NELL2: variants seen among roughly 807,000 people sequenced by gnomAD.
NELL2 encodes neural EGFL like 2.
Under a neutral mutation model 109.6 loss-of-function variants are expected in NELL2, and 41 were observed. The observed-to-expected ratio is 0.37, with a 90% CI of 0.29 to 0.49. The LOEUF (loss-of-function observed/expected upper bound fraction) is 0.49. Among genes scored for constraint, NELL2 ranks in the 20% least tolerant of loss-of-function variants. NELL2 has a pLI of 0.98. For missense variants in NELL2, 900 were observed against 1,008.3 expected (o/e 0.89, Z 1.45); for synonymous variants, 355 against 344.7 (o/e 1.03, Z -0.33).
At chr12:44,890,050 C>T (rs755858629) in intron 1 of NELL2, among the ~76,000 whole-genome samples, 148 of 152,188 alleles carry the variant, frequency 9.7e-4, no homozygotes, top group Non-Finnish European at 1.9e-3. Context: ...GATCCAGATT[C>T]AGCATTAGTT....
chr12:44,909,589 C>T (rs952642021), intron 1 of NELL2, among the ~76,000 whole-genome samples: 2 of 151,704 alleles, frequency 1.3e-5, no homozygotes, highest in Non-Finnish European at 2.9e-5. Context: ...GAAAAAAATT[C>T]TAAAATTCAT....
chr12:44,711,596 G>A (rs1490248036), intron 10 of NELL2, among the ~76,000 whole-genome samples: 2 of 152,038 alleles, frequency 1.3e-5, no homozygotes, highest in Admixed American at 1.3e-4. Context: ...TTTAGAATAA[G>A]AATCAGCCAC....
At chr12:44,578,968 T>TTTTG (rs994392807) in intron 15 of NELL2, among the ~76,000 whole-genome samples, 9 of 152,182 alleles carry the variant, frequency 5.9e-5, no homozygotes, top group African/African-American at 1.9e-4. Flanking sequence ...AGGGGCATTC[T>TTTTG]TTTGTTTGTT....
In NELL2 at chr12:44,588,527, C is replaced by T. The variant is rs138249089; in HGVS notation, c.1663+18642G>A. On this transcript the variant is annotated intron_variant, in intron 15 of 19. Transcript: ENST00000429094. Reference sequence around the variant, plus strand: ...GGATCTTCCCTTGCATGCCACAGTACGCTGCAGATGGCACTGAAAGTAATC... The same window carrying T: ...GGATCTTCCCTTGCATGCCACAGTATGCTGCAGATGGCACTGAAAGTAATC... Among the ~76,000 whole-genome samples, 1,095 of 152,216 alleles carry T rather than the reference C, an allele frequency of 7.2e-3. 10 individuals carry two copies. The highest frequency in any genetic ancestry group is 0.025 in the African/African-American group (1,022 of 41,530).
intron 19 of NELL2, among the ~76,000 whole-genome samples, chr12:44,518,737 T>C (rs1941392849): frequency 6.6e-6 from 1 of 152,206 alleles, no homozygotes; most frequent in South Asian, 2.1e-4. Flanking sequence ...CTCAACTCTA[T>C]TTGGTAATTA....
intron 15 of NELL2, among the ~76,000 whole-genome samples, chr12:44,552,907 G>T (rs1943096039): frequency 6.6e-6 from 1 of 151,894 alleles, no homozygotes; most frequent in South Asian, 2.1e-4. Flanking sequence ...ATTTTATTTG[G>T]TCAGCTTCTA....
At chr12:44,842,411 T>A (rs898193077) in intron 2 of NELL2, among the ~76,000 whole-genome samples, 4 of 152,122 alleles carry the variant, frequency 2.6e-5, no homozygotes, top group Non-Finnish European at 2.9e-5. Flanking sequence ...CATCCTTGGA[T>A]TTCATCTCAT....
chr12:44,776,102 C>T lies in NELL2; in HGVS notation c.811G>A (p.Glu271Lys). 1.2e-6 allele frequency: 2 copies of T among 1,614,090 alleles called. No individual in the cohort carries two copies. The highest frequency in any genetic ancestry group is 3.3e-5 in the Admixed American group (2 of 60,024). ...RMNRLDQCYC[E>K]RTCTMKGTTY... The stretch of plus-strand genomic sequence containing the variant: ...GTTCCCTTCATGGTGCAAGTCCTTT[C>T]ACAATAGCACTGATCCAATCTATTC... Residue 271 changes from glutamate (E) to lysine (K), a missense_variant, in exon 8 of 20, where the codon GAA (glutamate) becomes AAA (lysine). Transcript: ENST00000429094.
chr12:44,683,901 C>T (rs146595364), intron 12 of NELL2, among the ~76,000 whole-genome samples: 8,803 of 152,122 alleles, frequency 0.058, 852 homozygotes, highest in African/African-American at 0.2. Context: ...TGTGTCTCTG[C>T]CAGGCTTTGG....
intron 9 of NELL2, among the ~76,000 whole-genome samples, chr12:44,721,865 G>A (rs1048756493): frequency 6.6e-6 from 1 of 152,084 alleles, no homozygotes; most frequent in Non-Finnish European, 1.5e-5. Flanking sequence ...GCTCTATTAG[G>A]AGGAAATTTT....
At chr12:44,903,317 T>A (rs1945683516) in intron 1 of NELL2, among the ~76,000 whole-genome samples, 1 of 152,098 alleles carries the variant, frequency 6.6e-6, no homozygotes, top group African/African-American at 2.4e-5. Context: ...ATTAGAGAAA[T>A]GCAAATCAAA....
At chr12:44,761,583 A>G (rs2136550427) in intron 9 of NELL2, among the ~76,000 whole-genome samples, 1 of 152,300 alleles carries the variant, frequency 6.6e-6, no homozygotes, top group Middle Eastern at 3.4e-3. Flanking sequence ...TAGCAGGACT[A>G]TTCACAACAG....
At chr12:44,520,369 T>C in intron 18 of NELL2, 140 bp from the exon 19 acceptor site, 1 of 671,128 alleles carries the variant, frequency 1.5e-6, no homozygotes, top group South Asian at 1.9e-5. Flanking sequence ...ACAAAGCCCA[T>C]GAATCTTTCA....
chr12:44,648,147 C>T (rs2136311686), intron 13 of NELL2, among the ~76,000 whole-genome samples: 1 of 152,262 alleles, frequency 6.6e-6, no homozygotes. Flanking sequence ...CTGGGAATGA[C>T]ACGTGTTGGA....
In NELL2 at chr12:44,678,670, T is replaced by C. The variant is rs150109527; in HGVS notation, c.1319-13061A>G. On this transcript the variant is annotated intron_variant, in intron 12 of 19. Coordinates refer to ENST00000429094, the MANE Select transcript of NELL2 (RefSeq NM_001145108.2). ...GCTTAAAACGTCAGAGTGGATTCTG[T>C]TGTTTGCAATTCAAAACCCTGATCA... Among the ~76,000 whole-genome samples, 772 of 152,238 alleles carry C rather than the reference T, an allele frequency of 5.1e-3. 3 individuals are homozygous for C. The highest frequency in any genetic ancestry group is 8.5e-3 in the Non-Finnish European group (581 of 67,986).
In NELL2 at chr12:44,840,927, T is replaced by G. The variant is rs116353469; in HGVS notation, c.185-24791A>C. ...ATGGTAGTTGTTTATGTGTGTAAATTTGAGGCGATAACAAGTAGTTTTGTA... is the reference window on the plus strand; with the variant it reads ...ATGGTAGTTGTTTATGTGTGTAAATGTGAGGCGATAACAAGTAGTTTTGTA... On this transcript the variant is annotated intron_variant, in intron 2 of 19. Coordinates refer to ENST00000429094, the MANE Select transcript of NELL2 (RefSeq NM_001145108.2). 1.2e-4 allele frequency among the ~76,000 whole-genome samples: 19 copies of G among 152,324 alleles called. No homozygotes were observed. In the East Asian group the frequency reaches 2.9e-3, roughly 23 times the overall value.
rs1942280467 is a variant in NELL2 at position 44,788,925 on chromosome 12, A to C, written c.336-8903T>G. Among the ~76,000 whole-genome samples, 6 of 152,110 alleles carry C rather than the reference A, an allele frequency of 3.9e-5. No homozygotes were observed. The South Asian group carries it at 8.3e-4, about 21-fold the overall frequency. On this transcript the variant is annotated intron_variant, in intron 3 of 19. Coordinates refer to ENST00000429094, the MANE Select transcript of NELL2 (RefSeq NM_001145108.2). The stretch of plus-strand genomic sequence containing the variant: ...TCCCTAACAACCTTCATGACTCAGC[A>C]GAGGCAGCCATAATCCTCCTAGGTT...
intron 2 of NELL2, among the ~76,000 whole-genome samples, chr12:44,819,036 C>T (rs1395938965): frequency 6.6e-6 from 1 of 152,084 alleles, no homozygotes; most frequent in African/African-American, 2.4e-5. Flanking sequence ...GCCACCGCGC[C>T]CGGCCAGTTC....
intron 15 of NELL2, among the ~76,000 whole-genome samples, chr12:44,539,191 T>C (rs1172218708): frequency 6.6e-6 from 1 of 152,198 alleles, no homozygotes; most frequent in Admixed American, 6.5e-5. Context: ...AATATTACAC[T>C]GACTTAATTA....
Sources: gnomAD v4.1 joint callset for allele counts (sites outside exome capture counted in the v4.1 genomes callset) on GRCh38, gnomAD v4.1.1 for gene constraint, MANE v1.5 for transcripts, NCBI Gene and HGNC (gene_info 2026-07-23, HGNC 2026-07-21) for gene names.